Variants in UBR7 observed in about 807,000 individuals in gnomAD.
The protein encoded by UBR7 is putative E3 ubiquitin-protein ligase UBR7.
A neutral mutation model predicts 57.0 loss-of-function variants in UBR7; 22 were observed. The ratio of observed to expected loss-of-function variants is 0.39; its 90% CI spans 0.28 to 0.55. The LOEUF is 0.55. UBR7 is among the 20% of genes least tolerant of loss of function. The pLI, the probability that UBR7 is intolerant of heterozygous loss-of-function variation, is 0.69. For missense variants in UBR7, 395 were observed against 513.2 expected, an observed-to-expected ratio of 0.77 and a Z score of 2.23; for synonymous variants, 167 against 179.8, an observed-to-expected ratio of 0.93 and a Z score of 0.57.
At chr14:93,211,339 G>A (rs964944898) in intron 3 of UBR7, among the ~76,000 whole-genome samples, 2 of 148,076 alleles carry the variant, frequency 1.4e-5, no homozygotes, top group Non-Finnish European at 3.0e-5. Flanking sequence ...TTGAGGTCAG[G>A]AGTTCAAAAC....
chr14:93,228,005 C>G lies in UBR7; in HGVS notation c.*970C>G, dbSNP rs989991659. The stretch of plus-strand genomic sequence containing the variant: ...ACCCCAATAAATTATTATTTTTCCC[C>G]CTTGAATCTGCTAAAGAAAACAGAT... On this transcript the variant is annotated 3_prime_UTR_variant, in exon 11 of 11. Coordinates refer to ENST00000013070, the MANE Select transcript of UBR7 (RefSeq NM_175748.4). 2 of 698,644 alleles carry G rather than the reference C, an allele frequency of 2.9e-6. No individual in the cohort carries two copies. The highest frequency in any genetic ancestry group is 5.2e-6 in the Non-Finnish European group (2 of 384,206). 43.3% of individuals were successfully genotyped at this position (698,644 alleles called of 1,614,324 possible). A position where few individuals can be genotyped will look rare whatever the true frequency, so the allele number is the denominator to read the frequency against.
rs377005548 is a variant in UBR7 at position 93,207,308 on chromosome 14, G to A, written c.17G>A (p.Gly6Asp). 30 of 1,556,368 alleles carry A rather than the reference G, an allele frequency of 1.9e-5. 1 individual carries two copies. In the Middle Eastern group the frequency reaches 3.6e-3, roughly 188 times the overall value. ...CAGTTGAGGATGGCCGGAGCCGAGGGCGCCGCTGGGCGGCAGTCGGAGCTG... is the reference window on the plus strand; with the variant it reads ...CAGTTGAGGATGGCCGGAGCCGAGGACGCCGCTGGGCGGCAGTCGGAGCTG... Reference protein sequence around the residue: MAGAEGAAGRQSELEP... With the variant: MAGAEDAAGRQSELEP... Residue 6 changes from glycine to aspartate, a missense_variant, in exon 1 of 11, where the codon GGC (glycine) becomes GAC (aspartate). Coordinates refer to ENST00000013070, the MANE Select transcript of UBR7 (RefSeq NM_175748.4).
In UBR7 at chr14:93,228,967, CCT is replaced by C. The variant is rs1417157761; in HGVS notation, c.*1935_*1936del. The C allele has an allele frequency of 1.5e-5, 7 of 453,930 alleles. No individual in the cohort carries two copies. Among genetic ancestry groups the C allele is most frequent in the Non-Finnish European group, 3.1e-5 (7 of 226,798 alleles). The allele number at this position is 453,930 out of a possible 1,614,324, so 28.1% of individuals were successfully genotyped here. ...TTCCTTCTTTCACATTAACTGGAAA[CCT>C]CTTTTTTTACCTGTTGTTCACAACT... On this transcript the variant is annotated 3_prime_UTR_variant, in exon 11 of 11. Coordinates refer to ENST00000013070, the MANE Select transcript of UBR7 (RefSeq NM_175748.4).
At position 93,227,529 on chromosome 14, in the gene UBR7, T is replaced by C. The variant is rs906828674; in HGVS notation, c.*494T>C. ...GCTTCCTCAAGCCTGGTCTGCTCCT[T>C]CTTTCACGTCCCTGTTTTCTGAGGT... On this transcript the variant is annotated 3_prime_UTR_variant, in exon 11 of 11. Coordinates refer to ENST00000013070, the MANE Select transcript of UBR7 (RefSeq NM_175748.4). 1.4e-6 allele frequency: 1 copy of C among 698,618 alleles called. No individual in the cohort carries two copies. The highest frequency in any genetic ancestry group is 2.0e-5 in the Admixed American group (1 of 49,948). 43.3% of individuals were successfully genotyped at this position (698,618 alleles called of 1,614,324 possible).
rs1432507506 is a variant in UBR7, at chr14:93,212,875, G to A, written c.441+748G>A. 2.0e-5 allele frequency among the ~76,000 whole-genome samples: 3 copies of A among 152,186 alleles called. No homozygotes were observed. In the East Asian group the frequency reaches 5.8e-4, roughly 29 times the overall value. ...GTAATTTTTCAATATTATAAAGAAA[G>A]CTAGAGTGAACATCCTCATACAGTA... On this transcript the variant is annotated intron_variant, in intron 4 of 10. Transcript: ENST00000013070.
At position 93,228,896 on chromosome 14, in the gene UBR7, G is replaced by A. The variant is rs138832733; in HGVS notation, c.*1861G>A. 1.2e-4 allele frequency: 56 copies of A among 454,068 alleles called. No homozygotes were observed. Among genetic ancestry groups the A allele is most frequent in the Middle Eastern group, 1.4e-3 (2 of 1,444 alleles). The allele number at this position is 454,068 out of a possible 1,614,324, so 28.1% of individuals were successfully genotyped here. On this transcript the variant is annotated 3_prime_UTR_variant, in exon 11 of 11. Transcript: ENST00000013070. ...ACATTACGTGCAGCACAATAGTACC[G>A]ATCAGTTAACTCAGCGCTGAAGGGC...
intron 10 of UBR7, chr14:93,223,469 G>A: frequency 1.9e-6 from 1 of 532,722 alleles, no homozygotes; most frequent in Non-Finnish European, 3.3e-6. Flanking sequence ...AGGCTGGCTT[G>A]AGCCCTGCTT....
rs1290796356 is a variant in UBR7 at position 93,227,634 on chromosome 14, T to A, written c.*599T>A. 2 of 700,878 alleles carry A rather than the reference T, an allele frequency of 2.9e-6. No homozygotes were observed. The highest frequency in any genetic ancestry group is 2.7e-5 in the East Asian group (1 of 37,294). 43.4% of individuals were successfully genotyped at this position (700,878 alleles called of 1,614,324 possible). On this transcript the variant is annotated 3_prime_UTR_variant, in exon 11 of 11. Transcript: ENST00000013070. ...AGAGTAGCCAGGACTGATGGTTTTC[T>A]GGTCTGGATGTCTGTCACAGGCGGA...
Position 93,219,213 on chromosome 14 carries a change from CAGTGTTTA to C in UBR7, c.815_822del (p.Val272GlufsTer2). The stretch of plus-strand genomic sequence containing the variant: ...CTTCAAAACTTAATTTTATTTCAGA[CAGTGTTTA>C]AGAATGAAAGCCTCAACGCAGAATC... On this transcript the variant is annotated frameshift_variant and splice_region_variant, in exon 8 of 11. Coordinates refer to ENST00000013070, the MANE Select transcript of UBR7 (RefSeq NM_175748.4). LOFTEE classifies it high-confidence loss of function. The C allele has an allele frequency of 6.2e-7, 1 of 1,614,028 alleles. No homozygotes were observed. Among genetic ancestry groups the C allele is most frequent in the Non-Finnish European group, 8.5e-7 (1 of 1,179,990 alleles).
Position 93,228,577 on chromosome 14 carries a change from G to A in UBR7, c.*1542G>A, listed in dbSNP as rs1035943272. Reference sequence around the variant, plus strand: ...CAGGCTCCTAATTGCAGATCCTCACGAAGGGTGGTATGTGGAGCTGGAAGG... The same window carrying A: ...CAGGCTCCTAATTGCAGATCCTCACAAAGGGTGGTATGTGGAGCTGGAAGG... On this transcript the variant is annotated 3_prime_UTR_variant, in exon 11 of 11. Coordinates refer to ENST00000013070, the MANE Select transcript of UBR7 (RefSeq NM_175748.4). The A allele has an allele frequency of 1.8e-5, 8 of 453,948 alleles. No homozygotes were observed. Among genetic ancestry groups the A allele is most frequent in the Admixed American group, 4.7e-5 (2 of 42,550 alleles). 28.1% of individuals were successfully genotyped at this position (453,948 alleles called of 1,614,324 possible).
chr14:93,223,916 C>T lies in UBR7; in HGVS notation c.1185+1542C>T, dbSNP rs140488897. The T allele has an allele frequency of 3.0e-5, 22 of 724,978 alleles. No homozygotes were observed. In the East Asian group the frequency reaches 4.9e-4, roughly 16 times the overall value. The allele number at this position is 724,978 out of a possible 1,614,324, so 44.9% of individuals were successfully genotyped here. ...CAGCCAGATGCCGAAGTTCTTGACC[C>T]GCGGTGGGGACTTCTCAAACACCTG... On this transcript the variant is annotated intron_variant, in intron 10 of 10. Coordinates refer to ENST00000013070, the MANE Select transcript of UBR7 (RefSeq NM_175748.4).
chr14:93,212,873 A>C (rs564486103), intron 4 of UBR7, among the ~76,000 whole-genome samples: 1 of 152,202 alleles, frequency 6.6e-6, no homozygotes, highest in Admixed American at 6.5e-5. Flanking sequence ...ATTATAAAGA[A>C]AGCTAGAGTG....
intron 1 of UBR7, among the ~76,000 whole-genome samples, chr14:93,207,972 T>G (rs1894401798): frequency 6.6e-6 from 1 of 152,076 alleles, no homozygotes. Flanking sequence ...TTTCTTTTTT[T>G]GGCAAAATGA....
In UBR7 at chr14:93,228,154, A is replaced by C. The variant is rs1402863586; in HGVS notation, c.*1119A>C. The C allele has an allele frequency of 1.6e-6, 1 of 607,704 alleles. No homozygotes were observed. The highest frequency in any genetic ancestry group is 2.1e-5 in the Admixed American group (1 of 47,020). The allele number at this position is 607,704 out of a possible 1,614,324, so 37.6% of individuals were successfully genotyped here. On this transcript the variant is annotated 3_prime_UTR_variant, in exon 11 of 11. Coordinates refer to ENST00000013070, the MANE Select transcript of UBR7 (RefSeq NM_175748.4). ...TGATGAGTTTTGTGTATATAATGTT[A>C]ATGTCCACCGCCACTTCCCTAACGA...
Position 93,207,443 on chromosome 14 carries a change from T to G in UBR7, c.150+2T>G, listed in dbSNP as rs1037038114. 1 of 1,545,914 alleles carries G rather than the reference T, an allele frequency of 6.5e-7. No individual in the cohort carries two copies. The highest frequency in any genetic ancestry group is 1.4e-5 in the African/African-American group (1 of 72,622). On this transcript the variant is annotated splice_donor_variant, in intron 1 of 10. Coordinates refer to ENST00000013070, the MANE Select transcript of UBR7 (RefSeq NM_175748.4). LOFTEE classifies it high-confidence loss of function. ...TCCGAGAAGTGCTCCTACTCTCAGG[T>G]GGGCGCGCGGCCCGGGCCTCCTCTC...
chr14:93,219,322 G>A lies in UBR7; in HGVS notation c.921G>A (p.Leu307=), dbSNP rs143582178. The change falls in exon 8 of 11, where the codon CTG becomes CTA. Residue 307 remains leucine, a synonymous_variant. Transcript: ENST00000013070. ...AAGACACTGCCACCTATTGGCCCCT[G>A]AACTGGCGTAGCAAGTTGTGTACCT... ...IKKDTATYWP[L]NWRSKLCTCQ... 1.2e-6 allele frequency: 2 copies of A among 1,614,176 alleles called. No homozygotes were observed. Among genetic ancestry groups the A allele is most frequent in the African/African-American group, 2.7e-5 (2 of 75,048 alleles).
At chr14:93,225,687 TAA>T (rs1457502644) in intron 10 of UBR7, among the ~76,000 whole-genome samples, 1 of 152,152 alleles carries the variant, frequency 6.6e-6, no homozygotes, top group Non-Finnish European at 1.5e-5. Flanking sequence ...TGAAATAAAT[TAA>T]AAAACTGATT....
chr14:93,207,434 A>G lies in UBR7; in HGVS notation c.143A>G (p.Tyr48Cys). Reference sequence around the variant, plus strand: ...GGCAGCGACTCCGAGAAGTGCTCCTACTCTCAGGTGGGCGCGCGGCCCGGG... The same window carrying G: ...GGCAGCGACTCCGAGAAGTGCTCCTGCTCTCAGGTGGGCGCGCGGCCCGGG... ...LGGSDSEKCS[Y>C]SQGSVKRQAL... The change falls in exon 1 of 11, where the codon TAC becomes TGC. Residue 48 changes from tyrosine to cysteine, a missense_variant. Coordinates refer to ENST00000013070, the MANE Select transcript of UBR7 (RefSeq NM_175748.4). 1 of 1,547,310 alleles carries G rather than the reference A, an allele frequency of 6.5e-7. No homozygotes were observed. The highest frequency in any genetic ancestry group is 8.7e-7 in the Non-Finnish European group (1 of 1,149,248).
At chr14:93,222,742 CA>C (rs60856068) in intron 10 of UBR7, among the ~76,000 whole-genome samples, 381 of 137,954 alleles carry the variant, frequency 2.8e-3, no homozygotes, top group Middle Eastern at 3.7e-3. Flanking sequence ...GACCCTATTT[CA>C]AAAAAAAAAA....
Sources: gnomAD v4.1 joint callset for allele counts (sites outside exome capture counted in the v4.1 genomes callset) on GRCh38, gnomAD v4.1.1 for gene constraint, MANE v1.5 for transcripts, NCBI Gene and HGNC (gene_info 2026-07-23, HGNC 2026-07-21) for gene names.